Variants in SH3GL1 observed in about 807,000 individuals in gnomAD.
SH3GL1 encodes SH3 domain containing GRB2 like 1, endophilin A2.
A neutral mutation model predicts 48.8 loss-of-function variants in SH3GL1; 21 were observed. The ratio of observed to expected loss-of-function variants is 0.43; its 90% CI spans 0.30 to 0.62. The LOEUF is 0.62. Ranked by LOEUF, SH3GL1 falls within the 20% of genes least tolerant of loss-of-function variation. The pLI, the probability that SH3GL1 is intolerant of heterozygous loss-of-function variation, is 0.11. For synonymous variants in SH3GL1, 282 were observed against 217.5 expected, an observed-to-expected ratio of 1.30 and a Z score of -2.61; for missense variants, 454 against 503.0, an observed-to-expected ratio of 0.90 and a Z score of 0.93.
chr19:4,388,385 A>C (rs1022616971), intron 1 of SH3GL1, among the ~76,000 whole-genome samples: 2 of 152,116 alleles, frequency 1.3e-5, no homozygotes, highest in Non-Finnish European at 2.9e-5. Context: ...GAACGCTGGG[A>C]CAGGGGACGC....
intron 1 of SH3GL1, chr19:4,395,920 A>G (rs1306191453): frequency 6.6e-6 from 1 of 151,958 alleles, no homozygotes; most frequent in Non-Finnish European, 1.5e-5. Context: ...CAAAATATAT[A>G]TATATATATA....
intron 1 of SH3GL1, among the ~76,000 whole-genome samples, chr19:4,370,925 G>A (rs1183253471): frequency 6.6e-6 from 1 of 152,258 alleles, no homozygotes; most frequent in Non-Finnish European, 1.5e-5. Flanking sequence ...TGGTCTTTCA[G>A]ATCTTTGCCC....
Position 4,361,262 on chromosome 19 carries a change from G to T in SH3GL1, c.*338C>A. On this transcript the variant is annotated 3_prime_UTR_variant, in exon 10 of 10. Transcript: ENST00000269886. ...GACGGAGGTGGGGGCTGCCCCAGAG[G>T]AACATTAGTGTTTCTAAGAGCACCT... The T allele has an allele frequency of 2.6e-6, 1 of 383,208 alleles. No homozygotes were observed. Among genetic ancestry groups the T allele is most frequent in the Non-Finnish European group, 4.8e-6 (1 of 209,114 alleles). The allele number at this position is 383,208 out of a possible 1,614,324, so 23.7% of individuals were successfully genotyped here.
chr19:4,363,588 G>A (rs768704079), intron 6 of SH3GL1, 115 bp from the exon 7 acceptor site: 41 of 1,462,334 alleles, frequency 2.8e-5, no homozygotes, highest in Non-Finnish European at 3.7e-5. Flanking sequence ...AGGGGACTGG[G>A]GCCCATACCC....
At position 4,400,189 on chromosome 19, in the gene SH3GL1, C is replaced by G; in HGVS notation, c.45+135G>C. On this transcript the variant is annotated intron_variant, in intron 1 of 9. Transcript: ENST00000269886. The surrounding 1 kb of genome is among the most constrained non-coding windows in gnomAD (Gnocchi z 4.1). Reference sequence around the variant, plus strand: ...TCGCCCCCGTCCGTCCCTTGGTCTTCCCACCTGGCAGGGGACACGCGCCAA... The same window carrying G: ...TCGCCCCCGTCCGTCCCTTGGTCTTGCCACCTGGCAGGGGACACGCGCCAA... 2.1e-6 allele frequency: 2 copies of G among 961,212 alleles called. No individual in the cohort carries two copies. The highest frequency in any genetic ancestry group is 3.0e-6 in the Non-Finnish European group (2 of 673,766). 59.5% of individuals were successfully genotyped at this position (961,212 alleles called of 1,614,324 possible).
At position 4,360,798 on chromosome 19, in the gene SH3GL1, T is replaced by C. The variant is rs575878240; in HGVS notation, c.*802A>G. On this transcript the variant is annotated 3_prime_UTR_variant, in exon 10 of 10. Coordinates refer to ENST00000269886, the MANE Select transcript of SH3GL1 (RefSeq NM_003025.4). ...GGCTGTGGTCCCGTGTGAGGTGTGC[T>C]GGGGTGGGTGTGGGTGGCTGGTGGT... 9.0e-4 allele frequency: 211 copies of C among 233,756 alleles called. 1 individual carries two copies. The highest frequency in any genetic ancestry group is 3.9e-3 in the African/African-American group (175 of 45,410). 14.5% of individuals were successfully genotyped at this position (233,756 alleles called of 1,614,324 possible).
rs762784523 is a variant in SH3GL1, at chr19:4,363,378, G to C, written c.720C>G (p.Leu240=). ...VQILDELAEK[L]KRRMREASSR... ...CAAGGCCCTGGGCTCACCTGCGCTT[G>C]AGCTTCTCCGCCAGCTCGTCCAGGA... The change falls in exon 7 of 10, where the codon CTC becomes CTG. Residue 240 remains leucine, a synonymous_variant. Coordinates refer to ENST00000269886, the MANE Select transcript of SH3GL1 (RefSeq NM_003025.4). The C allele has an allele frequency of 5.6e-6, 9 of 1,603,782 alleles. No individual in the cohort carries two copies. The South Asian group carries it at 7.8e-5, about 14-fold the overall frequency.
intron 1 of SH3GL1, among the ~76,000 whole-genome samples, chr19:4,388,746 G>A (rs960334813): frequency 2.0e-5 from 3 of 152,224 alleles, no homozygotes; most frequent in Admixed American, 6.5e-5. Flanking sequence ...GCCTGGCCTC[G>A]ATCAAGGGGG....
At chr19:4,368,897 C>T (rs1421473277) in intron 1 of SH3GL1, among the ~76,000 whole-genome samples, 1 of 152,092 alleles carries the variant, frequency 6.6e-6, no homozygotes, top group African/African-American at 2.4e-5. Context: ...CAGTGAAACC[C>T]CGTCTCTACT....
Position 4,400,222 on chromosome 19 carries a change from AC to A in SH3GL1, c.45+101del, listed in dbSNP as rs1393316029. ...GCAGGGGACACGCGCCAACGTCCCCACCTCGGTCCCCCCGGCCCCCTCCCGG... is the reference window on the plus strand; with the variant it reads ...GCAGGGGACACGCGCCAACGTCCCCACTCGGTCCCCCCGGCCCCCTCCCGG... On this transcript the variant is annotated intron_variant, in intron 1 of 9. Transcript: ENST00000269886. This position sits in a 1 kb window ranked among gnomAD's most constrained non-coding sequence, Gnocchi z 4.1. 6 of 1,300,778 alleles carry A rather than the reference AC, an allele frequency of 4.6e-6. No individual in the cohort carries two copies. In the African/African-American group the frequency reaches 9.3e-5, roughly 20 times the overall value. 80.6% of individuals were successfully genotyped at this position (1,300,778 alleles called of 1,614,324 possible). A position where few individuals can be genotyped will look rare whatever the true frequency, so the allele number is the denominator to read the frequency against.
chr19:4,363,277 G>T, intron 7 of SH3GL1, 93 bp downstream of exon 7: 1 of 959,484 alleles, frequency 1.0e-6, no homozygotes, highest in South Asian at 1.5e-5. Context: ...GCTCTGCCAT[G>T]TGCTCACCCC....
At chr19:4,387,725 T>G (rs1973262231) in intron 1 of SH3GL1, among the ~76,000 whole-genome samples, 1 of 152,164 alleles carries the variant, frequency 6.6e-6, no homozygotes, top group Non-Finnish European at 1.5e-5. Context: ...TGTTTTGTTT[T>G]TGAGGCAGAG....
chr19:4,381,053 C>T (rs558026058), intron 1 of SH3GL1, among the ~76,000 whole-genome samples: 3 of 148,766 alleles, frequency 2.0e-5, no homozygotes, highest in South Asian at 4.3e-4. Flanking sequence ...TCTCTGTTCC[C>T]CCAGCCTCTC....
chr19:4,385,910 G>A (rs1003652814), intron 1 of SH3GL1, among the ~76,000 whole-genome samples: 3 of 152,200 alleles, frequency 2.0e-5, no homozygotes, highest in African/African-American at 4.8e-5. Flanking sequence ...AAGGCTCCTC[G>A]TGGGTGGAAC....
chr19:4,366,678 C>T, intron 2 of SH3GL1, 105 bp from the exon 3 acceptor site: 3 of 1,062,512 alleles, frequency 2.8e-6, no homozygotes, highest in Middle Eastern at 2.5e-4. Flanking sequence ...CATACCAGGA[C>T]CCCCCAACCC....
At chr19:4,394,902 C>T (rs1258700021) in intron 1 of SH3GL1, among the ~76,000 whole-genome samples, 3 of 152,242 alleles carry the variant, frequency 2.0e-5, no homozygotes, top group Admixed American at 6.5e-5. Context: ...TCCCTGGCCC[C>T]TATCCCCTCG....
intron 1 of SH3GL1, among the ~76,000 whole-genome samples, chr19:4,375,224 C>A (rs1348620130): frequency 6.6e-6 from 1 of 151,886 alleles, no homozygotes; most frequent in Non-Finnish European, 1.5e-5. Context: ...GCCAGCCGGG[C>A]CCTCCAGCCC....
intron 1 of SH3GL1, among the ~76,000 whole-genome samples, chr19:4,380,668 ATGATC>A (rs1313048972): frequency 6.6e-6 from 1 of 152,204 alleles, no homozygotes; most frequent in Non-Finnish European, 1.5e-5. Flanking sequence ...GGTTTTGAAC[ATGATC>A]TGCTCTGGTG....
At position 4,363,493 on chromosome 19, in the gene SH3GL1, C is replaced by G. The variant is rs780373691; in HGVS notation, c.625-20G>C. ...CTCGATCTGTGGGGACAGTAGGGCT[C>G]AGGGGCTCCTGCCAGTGCCACTGTC... On this transcript the variant is annotated intron_variant, in intron 6 of 9. Coordinates refer to ENST00000269886, the MANE Select transcript of SH3GL1 (RefSeq NM_003025.4). 1 of 1,599,940 alleles carries G rather than the reference C, an allele frequency of 6.3e-7. No homozygotes were observed. Among genetic ancestry groups the G allele is most frequent in the East Asian group, 2.3e-5 (1 of 44,432 alleles).
Sources: gnomAD v4.1 joint callset for allele counts (sites outside exome capture counted in the v4.1 genomes callset) on GRCh38, gnomAD v4.1.1 for gene constraint, Gnocchi (gnomAD v3.1) non-coding constraint, MANE v1.5 for transcripts, NCBI Gene and HGNC (gene_info 2026-07-23, HGNC 2026-07-21) for gene names.